The following COL22A1 variants were observed in gnomAD, a reference collection of about 807,000 sequenced individuals.
The protein encoded by COL22A1 is collagen type XXII alpha 1 chain, also known as collagen alpha-1(XXII) chain.
A neutral mutation model predicts 248.9 loss-of-function variants in COL22A1; 221 were observed. The observed-to-expected ratio is 0.89, with a 90% CI of 0.80 to 0.99. The LOEUF is 0.99. Ranked by LOEUF, COL22A1 falls within the 50% of genes least tolerant of loss-of-function variation. The pLI is 0.00. For synonymous variants in COL22A1, 891 were observed against 793.4 expected (o/e 1.12, Z -2.07); for missense variants, 2,240 against 2,179.0 (o/e 1.03, Z -0.56).
At chr8:138,887,694 A>G (rs115544334) in intron 1 of COL22A1, among the ~76,000 whole-genome samples, 1,626 of 152,258 alleles carry the variant, frequency 0.011, 42 homozygotes, top group African/African-American at 0.038. Flanking sequence ...GCTACAGAGG[A>G]CATCTTTGCA....
At position 138,841,459 on chromosome 8, in the gene COL22A1, G is replaced by A. The variant is rs1820876286; in HGVS notation, c.733+2625C>T. 1.3e-5 allele frequency among the ~76,000 whole-genome samples: 2 copies of A among 152,134 alleles called. 1 individual carries two copies. Among genetic ancestry groups the A allele is most frequent in the Admixed American group, 1.3e-4 (2 of 15,268 alleles). On this transcript the variant is annotated intron_variant, in intron 4 of 64. Transcript: ENST00000303045. ...GGTGACTGTTGAGTTGGGCTTTGGGGGATGAATAGGAGCTCACTGTGAGAA... is the reference window on the plus strand; with the variant it reads ...GGTGACTGTTGAGTTGGGCTTTGGGAGATGAATAGGAGCTCACTGTGAGAA...
intron 1 of COL22A1, among the ~76,000 whole-genome samples, chr8:138,900,357 T>A (rs1814455660): frequency 6.6e-6 from 1 of 152,178 alleles, no homozygotes; most frequent in African/African-American, 2.4e-5. Context: ...CACTCAGACA[T>A]CCCAGTGATT....
chr8:138,737,697 T>C (rs1831232567), intron 22 of COL22A1, 120 bp from the exon 23 acceptor site: 1 of 681,980 alleles, frequency 1.5e-6, no homozygotes, highest in Non-Finnish European at 2.6e-6. Flanking sequence ...AGATTAACAA[T>C]TGTCCCTCAG....
chr8:138,760,510 G>A (rs1467800109), intron 17 of COL22A1, among the ~76,000 whole-genome samples: 4 of 152,260 alleles, frequency 2.6e-5, no homozygotes, highest in South Asian at 4.2e-4. Context: ...CTGCAGTTGC[G>A]CTGGTTCTGC....
At chr8:138,805,609 G>GTA in intron 10 of COL22A1, among the ~76,000 whole-genome samples, 1 of 146,140 alleles carries the variant, frequency 6.8e-6, no homozygotes, top group East Asian at 2.0e-4. Flanking sequence ...GATGGTGTGG[G>GTA]ACGGTGTGTG....
intron 36 of COL22A1, among the ~76,000 whole-genome samples, chr8:138,690,159 G>A (rs753042641): frequency 6.6e-6 from 1 of 152,184 alleles, no homozygotes; most frequent in Non-Finnish European, 1.5e-5. Flanking sequence ...ACCTATAAAG[G>A]CTTGATGAAG....
At chr8:138,726,299 C>T (rs553418048) in intron 23 of COL22A1, among the ~76,000 whole-genome samples, 2 of 151,850 alleles carry the variant, frequency 1.3e-5, no homozygotes, top group African/African-American at 4.8e-5. Flanking sequence ...TGAGACTAGA[C>T]TGGGCAAAAT....
At chr8:138,853,131 C>T (rs1427816031) in intron 3 of COL22A1, among the ~76,000 whole-genome samples, 2 of 152,162 alleles carry the variant, frequency 1.3e-5, no homozygotes, top group Non-Finnish European at 1.5e-5. Context: ...GCAGAGATCA[C>T]ACCACTGCAC....
intron 18 of COL22A1, among the ~76,000 whole-genome samples, chr8:138,757,298 G>A (rs1458973134): frequency 2.3e-4 from 20 of 87,144 alleles, no homozygotes; most frequent in Non-Finnish European, 1.4e-4. Flanking sequence ...GACATTCTGA[G>A]CTATACTATG....
chr8:138,809,198 C>T (rs955252321), intron 9 of COL22A1, among the ~76,000 whole-genome samples: 3 of 152,162 alleles, frequency 2.0e-5, no homozygotes, highest in African/African-American at 4.8e-5. Context: ...TTCTCACCCC[C>T]CTGTGCTTGG....
At chr8:138,757,518 C>T (rs1208642435) in intron 18 of COL22A1, among the ~76,000 whole-genome samples, 2 of 152,058 alleles carry the variant, frequency 1.3e-5, no homozygotes, top group East Asian at 1.9e-4. Context: ...TCAATCAACA[C>T]ATGTTTTAAT....
At chr8:138,749,581 G>A (rs1198588458) in intron 22 of COL22A1, among the ~76,000 whole-genome samples, 1 of 152,200 alleles carries the variant, frequency 6.6e-6, no homozygotes, top group Non-Finnish European at 1.5e-5. Flanking sequence ...ACATCATGCC[G>A]CCCAACCAGG....
At chr8:138,607,204 C>A (rs1436636940) in intron 57 of COL22A1, among the ~76,000 whole-genome samples, 1 of 152,182 alleles carries the variant, frequency 6.6e-6, no homozygotes, top group African/African-American at 2.4e-5. Flanking sequence ...ATCCGAAGTA[C>A]CAAGTCCTGG....
At chr8:138,906,693 C>T (rs1408219959) in intron 1 of COL22A1, among the ~76,000 whole-genome samples, 1 of 151,356 alleles carries the variant, frequency 6.6e-6, no homozygotes, top group Middle Eastern at 3.2e-3. Context: ...GGCTCTGTCA[C>T]CCAGGCTGGA....
At chr8:138,898,649 G>C (rs1356245889) in intron 1 of COL22A1, among the ~76,000 whole-genome samples, 1 of 152,142 alleles carries the variant, frequency 6.6e-6, no homozygotes, top group Non-Finnish European at 1.5e-5. Flanking sequence ...GTCCCCAAGA[G>C]TAAAAGCTAC....
chr8:138,606,311 G>A (rs1818415116), intron 58 of COL22A1, 70 bp downstream of exon 58: 2 of 1,334,260 alleles, frequency 1.5e-6, no homozygotes, highest in East Asian at 2.4e-5. Context: ...AGGTGGCAGG[G>A]AAGGTACTGC....
intron 54 of COL22A1, 102 bp downstream of exon 54, chr8:138,616,812 G>T (rs577108454): frequency 9.6e-6 from 13 of 1,353,776 alleles, no homozygotes; most frequent in Non-Finnish European, 1.4e-5. Context: ...GTCCTCTCTC[G>T]GGTAAGGCAC....
At chr8:138,756,997 CTCTAT>C (rs1339878045) in intron 18 of COL22A1, among the ~76,000 whole-genome samples, 4 of 152,194 alleles carry the variant, frequency 2.6e-5, no homozygotes, top group Non-Finnish European at 4.4e-5. Context: ...AGAAACGCTT[CTCTAT>C]TCTGTTTTAT....
At chr8:138,716,110 C>T in intron 29 of COL22A1, 117 bp downstream of exon 29, 5 of 784,320 alleles carry the variant, frequency 6.4e-6, no homozygotes, top group Non-Finnish European at 1.0e-5. Context: ...CTGAGAAATA[C>T]ACTCTTCACC....
Sources: allele counts gnomAD v4.1 joint callset (sites outside exome capture counted in the v4.1 genomes callset), GRCh38; gene constraint gnomAD v4.1.1; transcripts MANE v1.5; gene names NCBI Gene and HGNC (gene_info 2026-07-23, HGNC 2026-07-21).